The following ODAD1 variants were observed in gnomAD, a reference collection of about 807,000 sequenced individuals.
ODAD1 encodes outer dynein arm docking complex subunit 1.
A neutral mutation model predicts 67.2 loss-of-function variants in ODAD1; 49 were observed. That is an observed-to-expected ratio of 0.73 (90% CI 0.58 to 0.92). The LOEUF is 0.92. Ranked by LOEUF, ODAD1 falls within the 40% of genes least tolerant of loss-of-function variation. The pLI is 0.00. For synonymous variants in ODAD1, 345 were observed against 393.7 expected (o/e 0.88, Z 1.46); for missense variants, 897 against 953.7 (o/e 0.94, Z 0.78).
chr19:48,317,036 C>T (rs1973344531), intron 5 of ODAD1, among the ~76,000 whole-genome samples: 1 of 152,044 alleles, frequency 6.6e-6, no homozygotes, highest in Non-Finnish European at 1.5e-5. Context: ...CTCTCTGTTG[C>T]CCAGGCTGGA....
chr19:48,306,198 G>A (rs565536263), intron 8 of ODAD1, 58 bp downstream of exon 8: 3 of 1,548,510 alleles, frequency 1.9e-6, no homozygotes, highest in Admixed American at 4.0e-5. Context: ...CTGCCTTATG[G>A]AAAGGTGCGT....
intron 3 of ODAD1, chr19:48,320,096 C>A: frequency 9.7e-7 from 1 of 1,035,478 alleles, no homozygotes; most frequent in Non-Finnish European, 1.2e-6. Flanking sequence ...ACTTCTGCTG[C>A]CTGAAGTCTC....
intron 7 of ODAD1, among the ~76,000 whole-genome samples, chr19:48,309,549 G>C (rs973040804): frequency 6.6e-6 from 1 of 152,100 alleles, no homozygotes; most frequent in Non-Finnish European, 1.5e-5. Context: ...CCTAACACTC[G>C]GTAAAGCTCC....
intron 5 of ODAD1, among the ~76,000 whole-genome samples, chr19:48,313,153 G>A (rs1270980189): frequency 1.3e-5 from 2 of 152,156 alleles, no homozygotes; most frequent in African/African-American, 4.8e-5. Flanking sequence ...TGTTGGCCGG[G>A]CACGGTGGCT....
chr19:48,308,367 G>T (rs1397756273), intron 7 of ODAD1, among the ~76,000 whole-genome samples: 4 of 151,810 alleles, frequency 2.6e-5, no homozygotes, highest in Admixed American at 2.6e-4. Flanking sequence ...GTAGAAACGG[G>T]GTTTCACCAT....
intron 5 of ODAD1, among the ~76,000 whole-genome samples, chr19:48,312,605 T>C (rs1968794950): frequency 1.3e-5 from 2 of 151,804 alleles, no homozygotes; most frequent in African/African-American, 4.8e-5. Context: ...TTAGTAGAGA[T>C]GGGGTTTCAC....
At chr19:48,316,372 T>C (rs1968898219) in intron 5 of ODAD1, among the ~76,000 whole-genome samples, 1 of 149,154 alleles carries the variant, frequency 6.7e-6, no homozygotes, top group Non-Finnish European at 1.5e-5. Context: ...AGAGCGAGAC[T>C]TCGTCAAAAA....
Position 48,319,619 on chromosome 19 carries a change from G to A in ODAD1, c.70+680C>T, listed in dbSNP as rs577058995. On this transcript the variant is annotated intron_variant, in intron 3 of 15. Coordinates refer to ENST00000674294, the MANE Select transcript of ODAD1 (RefSeq NM_001364171.2). ...CTCAGCTCACTGCAGCCTCCACCTC[G>A]CAGGCTCAAGTGATCCGCCCACCTC... is the stretch of plus-strand genomic sequence containing the variant. 167 of 164,414 alleles carry A rather than the reference G, an allele frequency of 1.0e-3. 2 individuals are homozygous for A. The highest frequency in any genetic ancestry group is 3.9e-3 in the African/African-American group (161 of 41,768). The allele number at this position is 164,414 out of a possible 1,614,324, so 10.2% of individuals were successfully genotyped here.
At chr19:48,320,465 C>T (rs987696284) in intron 2 of ODAD1, 74 bp from the exon 3 acceptor site, 2 of 805,630 alleles carry the variant, frequency 2.5e-6, no homozygotes, top group South Asian at 3.3e-5. Context: ...CAATGAACTG[C>T]GAGGGACTGG....
rs1968541247 is a variant in ODAD1, at chr19:48,304,026, C to T, written c.780G>A (p.Leu260=). 2.5e-6 allele frequency: 4 copies of T among 1,614,244 alleles called. No homozygotes were observed. The East Asian group carries it at 6.7e-5, about 27-fold the overall frequency. The change falls in exon 9 of 16, where the codon CTG becomes CTA. Residue 260 remains leucine, a synonymous_variant. Transcript: ENST00000674294. ...TGTTCTTGAGCTTGAGGAAGTGGTG[C>T]AGCTGCTCCAGGTGCAAGATCTGCC... ...LQRQILHLEQ[L]HHFLKLKNND... is the part of the protein sequence containing the mutation.
intron 14 of ODAD1, 86 bp downstream of exon 14, chr19:48,297,914 G>T: frequency 9.0e-7 from 1 of 1,116,822 alleles, no homozygotes. Context: ...GTCCCCAAAA[G>T]CCCCCCAAAA....
chr19:48,312,164 G>C (rs764054294), intron 5 of ODAD1, 48 bp from the exon 6 acceptor site: 100 of 1,482,238 alleles, frequency 6.7e-5, no homozygotes, highest in Non-Finnish European at 8.6e-5. Flanking sequence ...GAATGTGGGA[G>C]AGATTGAATG....
At position 48,297,641 on chromosome 19, in the gene ODAD1, G is replaced by A. The variant is rs768222015; in HGVS notation, c.1530C>T (p.Ser510=). The A allele has an allele frequency of 1.4e-5, 21 of 1,520,402 alleles. No individual in the cohort carries two copies. Among genetic ancestry groups the A allele is most frequent in the South Asian group, 2.6e-5 (2 of 75,634 alleles). The allele number at this position is 1,520,402 out of a possible 1,614,324, so 94.2% of individuals were successfully genotyped here. A position where few individuals can be genotyped will look rare whatever the true frequency, so the allele number is the denominator to read the frequency against. The change falls in exon 15 of 16, where the codon AGC becomes AGT. Residue 510 remains serine, a synonymous_variant. Transcript: ENST00000674294. ...TLEDPPGFEA[S]DDYPMSREEL... is the part of the protein sequence containing the mutation. Reference sequence around the variant, plus strand: ...CCTCCCTGCTCATGGGGTAGTCATCGCTGGCCTCAAAACCCGGGGGGTCTT... The same window carrying A: ...CCTCCCTGCTCATGGGGTAGTCATCACTGGCCTCAAAACCCGGGGGGTCTT...
rs755014432 is a variant in ODAD1 at position 48,297,471 on chromosome 19, G to A, written c.1629C>T (p.Ala543=). 39 of 1,601,496 alleles carry A rather than the reference G, an allele frequency of 2.4e-5. No individual in the cohort carries two copies. The highest frequency in any genetic ancestry group is 8.9e-5 in the East Asian group (4 of 44,780). The part of the protein sequence containing the change: ...QAEAQRQKDL[A]AAAAKLDGTL... ...TGCCGTCCAGCTTCGCGGCGGCGGCGGCCAGGTCCTTCTGGCGCTGCGCCT... is the reference window on the plus strand; with the variant it reads ...TGCCGTCCAGCTTCGCGGCGGCGGCAGCCAGGTCCTTCTGGCGCTGCGCCT... The change falls in exon 16 of 16, where the codon GCC becomes GCT. Residue 543 remains alanine (A), a synonymous_variant. Transcript: ENST00000674294.
intron 5 of ODAD1, among the ~76,000 whole-genome samples, chr19:48,314,040 C>T (rs917779605): frequency 2.0e-5 from 3 of 151,934 alleles, no homozygotes; most frequent in African/African-American, 7.3e-5. Context: ...GTCAGGAGTT[C>T]GAGACCAGCC....
intron 8 of ODAD1, among the ~76,000 whole-genome samples, chr19:48,304,367 G>A (rs940694763): frequency 6.6e-6 from 1 of 152,178 alleles, no homozygotes; most frequent in Non-Finnish European, 1.5e-5. Context: ...GGCTCAGGCT[G>A]TAATCCCAGC....
At chr19:48,300,028 G>A (rs1284526241) in intron 12 of ODAD1, among the ~76,000 whole-genome samples, 1 of 151,402 alleles carries the variant, frequency 6.6e-6, no homozygotes, top group African/African-American at 2.4e-5. Context: ...AAAAGGGCCG[G>A]GCACAGTGGC....
At chr19:48,303,562 C>T (rs907738555) in intron 10 of ODAD1, 88 bp downstream of exon 10, 16 of 1,527,600 alleles carry the variant, frequency 1.0e-5, no homozygotes, top group South Asian at 1.0e-4. Flanking sequence ...GGAGGAGTTC[C>T]CCAGGGCCAG....
intron 5 of ODAD1, among the ~76,000 whole-genome samples, chr19:48,317,409 C>A (rs1428044967): frequency 6.6e-6 from 1 of 152,038 alleles, no homozygotes; most frequent in East Asian, 1.9e-4. Flanking sequence ...AGATGGGATT[C>A]GCAACCTGTC....
Sources: allele counts gnomAD v4.1 joint callset (sites outside exome capture counted in the v4.1 genomes callset), GRCh38; gene constraint gnomAD v4.1.1; transcripts MANE v1.5; gene names NCBI Gene and HGNC (gene_info 2026-07-23, HGNC 2026-07-21).